Variants in FBXL7 observed in about 807,000 individuals in gnomAD.
FBXL7 encodes the protein F-box and leucine rich repeat protein 7.
A neutral mutation model predicts 38.3 loss-of-function variants in FBXL7; 12 were observed. The observed-to-expected ratio is 0.31, with a 90% CI of 0.20 to 0.51. The LOEUF (loss-of-function observed/expected upper bound fraction) is 0.51, where lower values mean the gene tolerates loss of function less well. FBXL7 is among the 20% of genes least tolerant of loss of function. The pLI is 0.98. For missense variants in FBXL7, 567 were observed against 676.4 expected (o/e 0.84, Z 1.79); for synonymous variants, 297 against 300.9 (o/e 0.99, Z 0.13).
intron 1 of FBXL7, among the ~76,000 whole-genome samples, chr5:15,550,024 T>G (rs1263990405): frequency 6.6e-6 from 1 of 152,140 alleles, no homozygotes; most frequent in Non-Finnish European, 1.5e-5. Flanking sequence ...AGCAGAAACT[T>G]CTGTACAAAA....
chr5:15,708,991 G>C (rs1361386359), intron 2 of FBXL7, among the ~76,000 whole-genome samples: 1 of 152,170 alleles, frequency 6.6e-6, no homozygotes, highest in Non-Finnish European at 1.5e-5. Context: ...CTTAAATGAG[G>C]AGTGTCCTGG....
intron 1 of FBXL7, among the ~76,000 whole-genome samples, chr5:15,565,097 G>C (rs911913989): frequency 6.6e-6 from 1 of 151,870 alleles, no homozygotes; most frequent in Admixed American, 6.6e-5. Context: ...AAAGAAAAAG[G>C]CATATGATCA....
chr5:15,669,365 G>A (rs965909367), intron 2 of FBXL7, among the ~76,000 whole-genome samples: 1 of 152,090 alleles, frequency 6.6e-6, no homozygotes, highest in African/African-American at 2.4e-5. Context: ...TACTGAGGGG[G>A]AATAATTGAC....
intron 1 of FBXL7, among the ~76,000 whole-genome samples, chr5:15,542,736 T>C (rs1266452013): frequency 1.3e-5 from 2 of 152,224 alleles, no homozygotes; most frequent in Middle Eastern, 3.2e-3. Context: ...CATGTTTTGA[T>C]TGAGACAAAT....
chr5:15,785,425 A>G (rs537030208), intron 2 of FBXL7, among the ~76,000 whole-genome samples: 169 of 152,318 alleles, frequency 1.1e-3, no homozygotes, highest in African/African-American at 3.8e-3. Context: ...TTTCAGCAAC[A>G]ACTGGGTCAC....
At chr5:15,569,067 A>T (rs1215772609) in intron 1 of FBXL7, among the ~76,000 whole-genome samples, 1 of 152,216 alleles carries the variant, frequency 6.6e-6, no homozygotes, top group Non-Finnish European at 1.5e-5. Context: ...TGACTTGGCA[A>T]TGCAGGCTCT....
intron 1 of FBXL7, among the ~76,000 whole-genome samples, chr5:15,524,362 G>C (rs573464496): frequency 2.0e-5 from 3 of 152,052 alleles, no homozygotes; most frequent in South Asian, 2.1e-4. Context: ...AACTTCTTGG[G>C]GGGGCTGAAG....
At chr5:15,726,479 G>A (rs945712502) in intron 2 of FBXL7, among the ~76,000 whole-genome samples, 2 of 152,028 alleles carry the variant, frequency 1.3e-5, no homozygotes, top group African/African-American at 2.4e-5. Context: ...CAGATCACGA[G>A]ATCAGGAGTT....
At chr5:15,839,985 A>G (rs1738700074) in intron 2 of FBXL7, among the ~76,000 whole-genome samples, 1 of 152,242 alleles carries the variant, frequency 6.6e-6, no homozygotes, top group African/African-American at 2.4e-5. Context: ...TGGGCTATGA[A>G]TAAACCATTT....
intron 2 of FBXL7, among the ~76,000 whole-genome samples, chr5:15,659,267 G>A (rs932472416): frequency 1.3e-5 from 2 of 151,664 alleles, no homozygotes; most frequent in Admixed American, 6.6e-5. Context: ...GATCTAAACA[G>A]GCAATGCAGT....
intron 2 of FBXL7, among the ~76,000 whole-genome samples, chr5:15,791,102 C>G (rs1015472939): frequency 6.6e-6 from 1 of 151,258 alleles, no homozygotes. Context: ...TGTATCTAAG[C>G]CTTATTGTAC....
At chr5:15,530,986 G>A (rs1477027581) in intron 1 of FBXL7, among the ~76,000 whole-genome samples, 1 of 152,168 alleles carries the variant, frequency 6.6e-6, no homozygotes, top group Non-Finnish European at 1.5e-5. Flanking sequence ...CCTGATCACA[G>A]TGAGACAGGA....
At chr5:15,584,229 T>G (rs1219474169) in intron 1 of FBXL7, among the ~76,000 whole-genome samples, 2 of 152,198 alleles carry the variant, frequency 1.3e-5, no homozygotes, top group Non-Finnish European at 2.9e-5. Flanking sequence ...TGAAAGTCCT[T>G]GACCTGCTCT....
intron 2 of FBXL7, among the ~76,000 whole-genome samples, chr5:15,902,180 GT>G (rs1367609602): frequency 6.6e-6 from 1 of 152,114 alleles, no homozygotes; most frequent in Admixed American, 6.6e-5. Flanking sequence ...ACATGGCTGA[GT>G]TTTCCCCCTT....
chr5:15,924,584 G>T (rs1409774142), intron 2 of FBXL7, among the ~76,000 whole-genome samples: 1 of 151,730 alleles, frequency 6.6e-6, no homozygotes, highest in African/African-American at 2.4e-5. Flanking sequence ...CTGTCTGTAA[G>T]GTACAGGTTG....
chr5:15,820,185 C>T (rs1486904079), intron 2 of FBXL7, among the ~76,000 whole-genome samples: 1 of 152,184 alleles, frequency 6.6e-6, no homozygotes, highest in African/African-American at 2.4e-5. Flanking sequence ...CTGTTGACTG[C>T]CCAGGCCTCT....
At chr5:15,899,219 A>G (rs985833597) in intron 2 of FBXL7, among the ~76,000 whole-genome samples, 4 of 152,108 alleles carry the variant, frequency 2.6e-5, no homozygotes, top group Admixed American at 6.5e-5. Context: ...GGCATGTGCA[A>G]CCACACCCAG....
intron 1 of FBXL7, chr5:15,580,733 A>G: frequency 1.0e-6 from 1 of 985,376 alleles, no homozygotes. Flanking sequence ...GAGCCTGAAG[A>G]TCTCACAAGC....
chr5:15,825,740 G>A (rs1004491414), intron 2 of FBXL7, among the ~76,000 whole-genome samples: 3 of 152,272 alleles, frequency 2.0e-5, no homozygotes, highest in Non-Finnish European at 4.4e-5. Context: ...TTCTCATATG[G>A]TTTTTCTAAA....
Sources: allele counts gnomAD v4.1 joint callset (sites outside exome capture counted in the v4.1 genomes callset), GRCh38; gene constraint gnomAD v4.1.1; transcripts MANE v1.5; gene names NCBI Gene and HGNC (gene_info 2026-07-23, HGNC 2026-07-21).